ASTN2: variants seen among roughly 807,000 people sequenced by gnomAD.
ASTN2 encodes the protein astrotactin 2, also known as astrotactin-2.
Under a neutral mutation model 139.8 loss-of-function variants are expected in ASTN2, and 54 were observed. The observed-to-expected ratio is 0.39, with a 90% CI of 0.31 to 0.48. ASTN2 has a LOEUF of 0.48. ASTN2 is among the 20% of genes least tolerant of loss of function. The pLI is 0.95. For missense variants in ASTN2, 1,565 were observed against 1,725.1 expected (o/e 0.91, Z 1.64); for synonymous variants, 756 against 719.5 (o/e 1.05, Z -0.81).
At chr9:116,575,326 G>C (rs1853682942) in intron 19 of ASTN2, among the ~76,000 whole-genome samples, 1 of 152,034 alleles carries the variant, frequency 6.6e-6, no homozygotes, top group Non-Finnish European at 1.5e-5. Context: ...TCAGAAGGAT[G>C]GTAAGGTCCA....
At chr9:117,262,821 G>A (rs1395674114) in intron 2 of ASTN2, among the ~76,000 whole-genome samples, 1 of 152,168 alleles carries the variant, frequency 6.6e-6, no homozygotes, top group East Asian at 1.9e-4. Flanking sequence ...TAAAAGAGGG[G>A]CGCAGAAGAG....
At chr9:117,379,893 G>A (rs1402566562) in intron 1 of ASTN2, among the ~76,000 whole-genome samples, 9 of 152,152 alleles carry the variant, frequency 5.9e-5, no homozygotes, top group Admixed American at 4.6e-4. Flanking sequence ...GATAGCTATG[G>A]ATATTTTCTG....
At chr9:116,538,428 G>T (rs1182750702) in intron 19 of ASTN2, among the ~76,000 whole-genome samples, 1 of 152,114 alleles carries the variant, frequency 6.6e-6, no homozygotes, top group Non-Finnish European at 1.5e-5. Context: ...AATCTTCAGG[G>T]ATGTGTGGCC....
intron 16 of ASTN2, among the ~76,000 whole-genome samples, chr9:116,672,721 A>G (rs1724860923): frequency 6.6e-6 from 1 of 152,162 alleles, no homozygotes; most frequent in Non-Finnish European, 1.5e-5. Context: ...TAGTTGTCCA[A>G]AGTTATAGAA....
chr9:116,442,340 T>G lies in ASTN2; in HGVS notation c.3598+113A>C. On this transcript the variant is annotated intron_variant, in intron 21 of 22. Transcript: ENST00000313400. The stretch of plus-strand genomic sequence containing the variant: ...CTTAGTGCCTTCAATTTCTTCTCCC[T>G]GTGCCAGTGTGTCAGGGTGTGCGTG... The G allele has an allele frequency of 6.1e-6, 5 of 825,934 alleles. No individual in the cohort carries two copies. The South Asian group carries it at 7.1e-5, about 12-fold the overall frequency. The allele number at this position is 825,934 out of a possible 1,614,324, so 51.2% of individuals were successfully genotyped here. A position where few individuals can be genotyped will look rare whatever the true frequency, so the allele number is the denominator to read the frequency against.
intron 10 of ASTN2, among the ~76,000 whole-genome samples, chr9:116,964,512 C>A (rs1232867289): frequency 2.6e-5 from 4 of 152,114 alleles, no homozygotes; most frequent in Non-Finnish European, 5.9e-5. Flanking sequence ...GGCAACGGAG[C>A]AGGAGGCAAT....
rs186955130 is a variant in ASTN2, at chr9:117,110,083, G to A, written c.1169-13932C>T. Among the ~76,000 whole-genome samples the A allele has an allele frequency of 4.6e-5, 7 of 152,160 alleles. No homozygotes were observed. In the East Asian group the frequency reaches 1.4e-3, roughly 29 times the overall value. On this transcript the variant is annotated intron_variant, in intron 4 of 22. Coordinates refer to ENST00000313400, the MANE Select transcript of ASTN2 (RefSeq NM_001365068.1). ...CCATTAAAATGTTATGTATATATAT[G>A]TTCATAAATTTTTGGTTATAATTTT...
chr9:116,640,711 T>G (rs1857284746), intron 17 of ASTN2, among the ~76,000 whole-genome samples: 1 of 151,900 alleles, frequency 6.6e-6, no homozygotes, highest in South Asian at 2.1e-4. Flanking sequence ...AGGACTTTGG[T>G]TTTTATCTTA....
chr9:116,735,767 C>T (rs1211355922), intron 13 of ASTN2, among the ~76,000 whole-genome samples: 2 of 152,218 alleles, frequency 1.3e-5, no homozygotes, highest in African/African-American at 4.8e-5. Context: ...GGAGGTAGCT[C>T]AGCCTTGGAA....
chr9:116,538,223 G>A (rs1851727004), intron 19 of ASTN2, among the ~76,000 whole-genome samples: 1 of 151,524 alleles, frequency 6.6e-6, no homozygotes, highest in Non-Finnish European at 1.5e-5. Flanking sequence ...AGGGAAGAAG[G>A]GACTGAGAGG....
chr9:116,738,889 A>T (rs1166765869), intron 13 of ASTN2, among the ~76,000 whole-genome samples: 1 of 152,192 alleles, frequency 6.6e-6, no homozygotes, highest in African/African-American at 2.4e-5. Flanking sequence ...TCATTTAGAG[A>T]TGAGACCAGG....
intron 3 of ASTN2, among the ~76,000 whole-genome samples, chr9:117,193,624 G>A (rs1398440504): frequency 1.8e-5 from 2 of 110,560 alleles, no homozygotes; most frequent in African/African-American, 3.7e-5. Context: ...TGGTGACACA[G>A]CCAGATTCAG....
intron 3 of ASTN2, among the ~76,000 whole-genome samples, chr9:117,154,610 G>A (rs544275279): frequency 6.6e-5 from 10 of 152,118 alleles, no homozygotes; most frequent in Middle Eastern, 3.4e-3. Flanking sequence ...ATTTTTACTA[G>A]TAAACCCTAG....
At chr9:116,493,885 C>G (rs1337076526) in intron 19 of ASTN2, among the ~76,000 whole-genome samples, 1 of 152,104 alleles carries the variant, frequency 6.6e-6, no homozygotes, top group East Asian at 1.9e-4. Flanking sequence ...TCGGGAAACA[C>G]CAAGAGGATT....
chr9:116,961,124 G>T (rs1365398116), intron 10 of ASTN2, among the ~76,000 whole-genome samples: 4 of 152,116 alleles, frequency 2.6e-5, no homozygotes, highest in African/African-American at 9.7e-5. Flanking sequence ...AACTGGCAGG[G>T]ATGGCCATGC....
At chr9:116,548,656 T>C (rs1291759237) in intron 19 of ASTN2, among the ~76,000 whole-genome samples, 3 of 152,100 alleles carry the variant, frequency 2.0e-5, no homozygotes, top group African/African-American at 7.2e-5. Flanking sequence ...GTACTTTTAG[T>C]AGATATGGGG....
intron 1 of ASTN2, among the ~76,000 whole-genome samples, chr9:117,384,908 G>T (rs1417157395): frequency 6.6e-6 from 1 of 152,126 alleles, no homozygotes; most frequent in African/African-American, 2.4e-5. Context: ...TGATCAGATG[G>T]ATAAATGGAT....
chr9:116,629,579 T>C (rs1313844198), intron 17 of ASTN2, among the ~76,000 whole-genome samples: 1 of 150,832 alleles, frequency 6.6e-6, no homozygotes, highest in Non-Finnish European at 1.5e-5. Context: ...ATTTTCAGCC[T>C]CAGATCCCCC....
intron 2 of ASTN2, among the ~76,000 whole-genome samples, chr9:117,285,552 A>G (rs1470376468): frequency 6.6e-6 from 1 of 152,188 alleles, no homozygotes; most frequent in Non-Finnish European, 1.5e-5. Context: ...TTTGTGTGAC[A>G]TTTTATATTC....
Sources: allele counts gnomAD v4.1 joint callset (sites outside exome capture counted in the v4.1 genomes callset), GRCh38; gene constraint gnomAD v4.1.1; transcripts MANE v1.5; gene names NCBI Gene and HGNC (gene_info 2026-07-23, HGNC 2026-07-21).